Variants in WNK2 observed in about 807,000 individuals in gnomAD.
The protein encoded by WNK2 is serine/threonine-protein kinase WNK2.
In WNK2, 67 loss-of-function variants were observed where a neutral mutation model predicts 192.1. That is an observed-to-expected ratio of 0.35 (90% CI 0.29 to 0.43). WNK2 has a LOEUF of 0.43. WNK2 is among the 20% of genes least tolerant of loss of function. The pLI, the probability that WNK2 is intolerant of heterozygous loss-of-function variation, is 1.00. For missense variants in WNK2, 2,698 were observed against 3,089.7 expected (o/e 0.87, Z 3.01); for synonymous variants, 1,439 against 1,393.9 (o/e 1.03, Z -0.72).
At chr9:93,314,829 G>A (rs192102849) in intron 28 of WNK2, among the ~76,000 whole-genome samples, 1 of 152,278 alleles carries the variant, frequency 6.6e-6, no homozygotes, top group Admixed American at 6.5e-5. Flanking sequence ...ACCCTTCTTT[G>A]GTGAGAGGAA....
chr9:93,226,553 G>A (rs1051587961), intron 2 of WNK2, among the ~76,000 whole-genome samples: 2 of 152,080 alleles, frequency 1.3e-5, no homozygotes, highest in African/African-American at 4.8e-5. Context: ...TGCACATAGA[G>A]GTGGAGCCCA....
At chr9:93,263,373 AC>A in intron 14 of WNK2, 192 bp from the exon 15 acceptor site, 1 of 659,404 alleles carries the variant, frequency 1.5e-6, no homozygotes, top group South Asian at 1.9e-5. Flanking sequence ...TGCCCGTGCC[AC>A]TTGGGTGCAG....
Position 93,293,254 on chromosome 9 carries a change from G to A in WNK2, c.5708+81G>A, listed in dbSNP as rs945862207. On this transcript the variant is annotated intron_variant, in intron 23 of 29. Transcript: ENST00000427277. Reference sequence around the variant, plus strand: ...CCAGTTGTGAGGGAACCCTGGTGCCGGGGCTGAAGTCCTGGCCAAGCAGCG... The same window carrying A: ...CCAGTTGTGAGGGAACCCTGGTGCCAGGGCTGAAGTCCTGGCCAAGCAGCG... 5.9e-5 allele frequency: 78 copies of A among 1,331,754 alleles called. 2 individuals are homozygous for A. In the African/African-American group the frequency reaches 9.7e-4, roughly 16 times the overall value. The allele number at this position is 1,331,754 out of a possible 1,614,324, so 82.5% of individuals were successfully genotyped here. A position where few individuals can be genotyped will look rare whatever the true frequency, so the allele number is the denominator to read the frequency against.
chr9:93,278,610 AT>A (rs2133511439), intron 19 of WNK2, among the ~76,000 whole-genome samples: 1 of 152,374 alleles, frequency 6.6e-6, no homozygotes, highest in African/African-American at 2.4e-5. Flanking sequence ...ACTTAACTGC[AT>A]CCCACAACAC....
intron 26 of WNK2, among the ~76,000 whole-genome samples, chr9:93,303,518 C>T (rs1194842409): frequency 2.0e-5 from 3 of 152,202 alleles, no homozygotes; most frequent in Non-Finnish European, 2.9e-5. Flanking sequence ...TGCTTTCATC[C>T]CTCCCGGTGG....
intron 9 of WNK2, 143 bp downstream of exon 9, chr9:93,253,225 G>C: frequency 1.4e-6 from 1 of 711,302 alleles, no homozygotes; most frequent in East Asian, 3.4e-5. Context: ...TCAGTGTCCA[G>C]CCACACTTCC....
intron 2 of WNK2, among the ~76,000 whole-genome samples, chr9:93,202,711 G>A (rs1041161462): frequency 2.0e-5 from 3 of 151,974 alleles, no homozygotes; most frequent in East Asian, 1.9e-4. Flanking sequence ...AGTCTCCAGC[G>A]TGATACTGGA....
chr9:93,193,650 T>C (rs1830735536), intron 2 of WNK2, among the ~76,000 whole-genome samples: 1 of 152,160 alleles, frequency 6.6e-6, no homozygotes, highest in Non-Finnish European at 1.5e-5. Flanking sequence ...GGGCTGTGTT[T>C]TGGGGAATCC....
chr9:93,268,462 T>C (rs1382614144), intron 18 of WNK2, among the ~76,000 whole-genome samples, 165 bp from the exon 19 acceptor site: 1 of 152,056 alleles, frequency 6.6e-6, no homozygotes, highest in African/African-American at 2.4e-5. Context: ...TGGGGATTAA[T>C]GACTGGGAAC....
At chr9:93,212,608 C>T (rs1286506424) in intron 2 of WNK2, among the ~76,000 whole-genome samples, 1 of 152,212 alleles carries the variant, frequency 6.6e-6, no homozygotes, top group African/African-American at 2.4e-5. Context: ...TCCGGCCGGC[C>T]CCTTGCTAAG....
intron 19 of WNK2, among the ~76,000 whole-genome samples, chr9:93,287,726 C>T (rs896647032): frequency 2.0e-5 from 3 of 152,080 alleles, no homozygotes; most frequent in Admixed American, 6.5e-5. Context: ...ATTTTTTGAA[C>T]AGTTTTCTTT....
At chr9:93,280,736 C>G (rs2133573037) in intron 19 of WNK2, among the ~76,000 whole-genome samples, 1 of 152,308 alleles carries the variant, frequency 6.6e-6, no homozygotes, top group Admixed American at 6.5e-5. Context: ...ACTGTGAGGA[C>G]AGCACTATTC....
chr9:93,204,797 G>A (rs114613319), intron 2 of WNK2, among the ~76,000 whole-genome samples: 4,096 of 152,256 alleles, frequency 0.027, 165 homozygotes, highest in African/African-American at 0.089. Flanking sequence ...GAGGACACCA[G>A]GGAGGAACAT....
At chr9:93,318,665 C>T in intron 29 of WNK2, 1 of 1,514,534 alleles carries the variant, frequency 6.6e-7, no homozygotes, top group Non-Finnish European at 8.8e-7. Context: ...TGCCCACTTC[C>T]CTCCCTTCTC....
At chr9:93,288,496 A>G (rs1848781218) in intron 19 of WNK2, among the ~76,000 whole-genome samples, 1 of 152,232 alleles carries the variant, frequency 6.6e-6, no homozygotes. Flanking sequence ...CACACGCTAC[A>G]GAAGACACAG....
intron 7 of WNK2, among the ~76,000 whole-genome samples, chr9:93,240,367 C>T (rs971383826): frequency 2.0e-5 from 3 of 152,168 alleles, no homozygotes; most frequent in African/African-American, 7.2e-5. Flanking sequence ...TTGGGATCTT[C>T]GCCTTTCCTT....
chr9:93,270,074 G>T (rs1845807704), intron 19 of WNK2, among the ~76,000 whole-genome samples: 1 of 152,214 alleles, frequency 6.6e-6, no homozygotes, highest in Non-Finnish European at 1.5e-5. Flanking sequence ...AGGCCTTGTG[G>T]CTTCAGCAGC....
intron 2 of WNK2, among the ~76,000 whole-genome samples, chr9:93,192,118 A>G (rs1830436183): frequency 6.6e-6 from 1 of 152,018 alleles, no homozygotes; most frequent in Non-Finnish European, 1.5e-5. Context: ...GATTGAGGCC[A>G]TCCTGGCCAA....
Position 93,247,242 on chromosome 9 carries a change from G to A in WNK2, c.1543-301G>A, listed in dbSNP as rs955261182. Reference sequence around the variant, plus strand: ...CCCCTTCCCGTCTGCCACCAGCCCCGGGGGCGCTGGGAGCTCAGGGAGCCC... The same window carrying A: ...CCCCTTCCCGTCTGCCACCAGCCCCAGGGGCGCTGGGAGCTCAGGGAGCCC... On this transcript the variant is annotated intron_variant, in intron 7 of 29. Coordinates refer to ENST00000427277, the MANE Select transcript of WNK2 (RefSeq NM_006648.4). The surrounding 1 kb of genome is among the most constrained non-coding windows in gnomAD (Gnocchi z 5.2). Among the ~76,000 whole-genome samples, 25 of 152,146 alleles carry A rather than the reference G, an allele frequency of 1.6e-4. No homozygotes were observed. Among genetic ancestry groups the A allele is most frequent in the Non-Finnish European group, 3.2e-4 (22 of 68,022 alleles).
Sources: allele counts gnomAD v4.1 joint callset (sites outside exome capture counted in the v4.1 genomes callset), GRCh38; gene constraint gnomAD v4.1.1; non-coding constraint Gnocchi (gnomAD v3.1); transcripts MANE v1.5; gene names NCBI Gene and HGNC (gene_info 2026-07-23, HGNC 2026-07-21).